ZNF324B: variants seen among roughly 807,000 people sequenced by gnomAD.
ZNF324B encodes zinc finger protein 324B.
Under a neutral mutation model 10.6 loss-of-function variants are expected in ZNF324B, and 7 were observed. The observed-to-expected ratio is 0.66, with a 90% CI of 0.38 to 1.24. ZNF324B has a LOEUF of 1.24. Among genes scored for constraint, ZNF324B ranks in the 50% most tolerant of loss-of-function variants. The pLI is 0.02. For missense variants in ZNF324B, 640 were observed against 764.7 expected (o/e 0.84, Z 1.92); for synonymous variants, 316 against 321.0 (o/e 0.98, Z 0.17).
In ZNF324B at chr19:58,456,105, C is replaced by G. The variant is rs780477053; in HGVS notation, c.1161C>G (p.His387Gln). The change falls in exon 4 of 4, where the codon CAC becomes CAG. Residue 387 changes from histidine (H) to glutamine (Q), a missense_variant. Transcript: ENST00000336614. The surrounding 1 kb of genome is among the most constrained non-coding windows in gnomAD (Gnocchi z 4.7). ...GCCGCAACTCGCACCTGATCCAGCA[C>G]GAGCGTACGCACACAGGCGAGAAGC... ...RFCRNSHLIQ[H>Q]ERTHTGEKPF... 1.2e-6 allele frequency: 2 copies of G among 1,613,052 alleles called. No homozygotes were observed. Among genetic ancestry groups the G allele is most frequent in the African/African-American group, 1.3e-5 (1 of 74,934 alleles).
the ZNF324B span, among the ~76,000 whole-genome samples, chr19:58,427,446 TCCTTTC>T: frequency 1.3e-4 from 9 of 68,110 alleles, no homozygotes; most frequent in African/African-American, 9.4e-4. Context: ...TTCCTTCCTT[TCCTTTC>T]CCTTCCTTCC....
chr19:58,434,772 C>T, the ZNF324B span: 8 of 1,614,078 alleles, frequency 5.0e-6, no homozygotes, highest in Non-Finnish European at 5.9e-6. Flanking sequence ...CTGGAAGCTG[C>T]CCAAGATTGG....
the ZNF324B span, chr19:58,439,990 T>C: frequency 1.5e-6 from 1 of 662,484 alleles, no homozygotes; most frequent in Non-Finnish European, 2.5e-6. Flanking sequence ...TGGCGCTGGC[T>C]CCACTTTCGG....
At chr19:58,434,589 G>A in the ZNF324B span, 1 of 1,614,090 alleles carries the variant, frequency 6.2e-7, no homozygotes, top group Non-Finnish European at 8.5e-7. Flanking sequence ...TTTCCCCAGT[G>A]TGAAACTTTT....
the ZNF324B span, chr19:58,437,272 C>T: frequency 6.6e-7 from 1 of 1,519,726 alleles, no homozygotes; most frequent in South Asian, 1.3e-5. Flanking sequence ...TGCTGTGTGA[C>T]TCAGAATCCT....
chr19:58,426,285 T>G, the ZNF324B span, among the ~76,000 whole-genome samples: 1 of 152,202 alleles, frequency 6.6e-6, no homozygotes, highest in Admixed American at 6.5e-5. Flanking sequence ...AGGACAACAT[T>G]GTCTGCCATC....
the ZNF324B span, chr19:58,434,573 G>T: frequency 3.2e-5 from 51 of 1,614,066 alleles, no homozygotes; most frequent in South Asian, 4.3e-4. Flanking sequence ...TTACACACAT[G>T]GGGTATTTCC....
the ZNF324B span, chr19:58,433,389 A>G: frequency 6.2e-7 from 1 of 1,614,198 alleles, no homozygotes; most frequent in Non-Finnish European, 8.5e-7. Context: ...CACACTGGCT[A>G]CACTCATAAG....
the ZNF324B span, chr19:58,429,883 G>A: frequency 6.6e-6 from 1 of 152,238 alleles, no homozygotes; most frequent in Non-Finnish European, 1.5e-5. Context: ...GCAGAGATGA[G>A]ACAGTATGGC....
At chr19:58,452,907 G>A (rs1447025436) in intron 1 of ZNF324B, 1 of 152,008 alleles carries the variant, frequency 6.6e-6, no homozygotes, top group Non-Finnish European at 1.5e-5. Context: ...GACCATCCTG[G>A]CTCACACAGT....
At chr19:58,436,908 C>T in the ZNF324B span, 1 of 1,173,068 alleles carries the variant, frequency 8.5e-7, no homozygotes, top group Non-Finnish European at 1.3e-6. Flanking sequence ...ACAGCAGAAC[C>T]TCAGCACCCC....
chr19:58,428,625 C>G, the ZNF324B span: 2 of 152,154 alleles, frequency 1.3e-5, no homozygotes, highest in African/African-American at 4.8e-5. Flanking sequence ...GATGAACAGC[C>G]CAGGGAGTCC....
At chr19:58,443,942 C>T in the ZNF324B span, 3 of 152,388 alleles carry the variant, frequency 2.0e-5, no homozygotes, top group Admixed American at 6.5e-5. Flanking sequence ...CCACCACCCC[C>T]GCCATGTGAT....
chr19:58,421,792 G>A, the ZNF324B span, among the ~76,000 whole-genome samples: 3 of 152,190 alleles, frequency 2.0e-5, no homozygotes, highest in Non-Finnish European at 4.4e-5. Flanking sequence ...GTTGCTGAGA[G>A]ACTGATTGAA....
At chr19:58,427,365 T>TTC in the ZNF324B span, among the ~76,000 whole-genome samples, 802 of 48,162 alleles carry the variant, frequency 0.017, 4 homozygotes, top group Non-Finnish European at 0.024. Flanking sequence ...TTTCTTTCTT[T>TTC]CTTTCTTTCT....
At chr19:58,436,991 T>C in the ZNF324B span, 10 of 1,611,872 alleles carry the variant, frequency 6.2e-6, no homozygotes, top group Non-Finnish European at 8.5e-6. Context: ...GAGCTTTCTA[T>C]GGGGAAAAGA....
rs1035560721 is a variant in ZNF324B at position 58,455,734 on chromosome 19, A to C, written c.790A>C (p.Lys264Gln). The C allele has an allele frequency of 6.2e-7, 1 of 1,613,720 alleles. No homozygotes were observed. The highest frequency in any genetic ancestry group is 1.3e-5 in the African/African-American group (1 of 74,902). ...GTCCTTCGAATGCAGGGCGTGCAGCAAAGTGTTCGTGAAGAGCTCCGACCT... is the reference window on the plus strand; with the variant it reads ...GTCCTTCGAATGCAGGGCGTGCAGCCAAGTGTTCGTGAAGAGCTCCGACCT... Reference protein sequence around the residue: ...EKSFECRACSKVFVKSSDLLK... With the variant: ...EKSFECRACSQVFVKSSDLLK... The change falls in exon 4 of 4, where the codon AAA becomes CAA. Residue 264 changes from lysine to glutamine, a missense_variant. Physicochemically the swap from Lys to Gln is moderately conservative, Grantham distance 53. Around this residue, in one of 3 missense-constraint regions of ZNF324B, gnomAD observed 345 missense variants for 387.9 expected, o/e 0.89. Coordinates refer to ENST00000336614, the MANE Select transcript of ZNF324B (RefSeq NM_207395.3). The surrounding 1 kb of genome is among the most constrained non-coding windows in gnomAD (Gnocchi z 7.0).
the ZNF324B span, among the ~76,000 whole-genome samples, chr19:58,427,444 TTTCCTTTCCC>T: frequency 1.3e-5 from 1 of 74,886 alleles, no homozygotes; most frequent in African/African-American, 9.1e-5. Flanking sequence ...CCTTCCTTCC[TTTCCTTTCCC>T]TTCCTTCCTT....
chr19:58,443,234 CGCTGATTGGTGCATTTTTACAGAGT>C, the ZNF324B span: 2 of 152,158 alleles, frequency 1.3e-5, no homozygotes, highest in Non-Finnish European at 2.9e-5. Flanking sequence ...AGACACAGAG[CGCTGATTGGTGCATTTTTACAGAGT>C]GCTGATTGGT....
Sources: gnomAD v4.1 joint callset for allele counts (sites outside exome capture counted in the v4.1 genomes callset) on GRCh38, gnomAD v4.1.1 for gene constraint, gnomAD v4.1.1 regional missense constraint, Gnocchi (gnomAD v3.1) non-coding constraint, MANE v1.5 for transcripts, NCBI Gene and HGNC (gene_info 2026-07-23, HGNC 2026-07-21) for gene names.